HCFC1: variants seen among roughly 807,000 people sequenced by gnomAD.
The protein encoded by HCFC1 is host cell factor C1, also known as host cell factor 1.
HCFC1 carries 7 observed loss-of-function variants against 105.5 expected under a neutral mutation model. The ratio of observed to expected loss-of-function variants is 0.07; its 90% CI spans 0.04 to 0.12. HCFC1 has a LOEUF of 0.12. Ranked by LOEUF, HCFC1 falls within the 10% of genes least tolerant of loss-of-function variation. The pLI is 1.00. For synonymous variants in HCFC1, 918 were observed against 828.1 expected (o/e 1.11, Z -1.86); for missense variants, 1,065 against 1,823.6 (o/e 0.58, Z 7.58).
intron 18 of HCFC1, 130 bp from the exon 19 acceptor site, chrX:153,953,088 C>T (rs2065330970): frequency 3.5e-6 from 2 of 571,742 alleles, no homozygotes; most frequent in Non-Finnish European, 6.0e-6. Context: ...TTGATGAGAT[C>T]TTCTAGAAAG....
At chrX:153,962,646 A>G (rs2065440200) in intron 4 of HCFC1, among the ~76,000 whole-genome samples, 1 of 112,528 alleles carries the variant, frequency 8.9e-6, no homozygotes, top group Non-Finnish European at 1.9e-5. Context: ...GGCTACAGAC[A>G]TTTTGGCAAA....
rs1214280847 is a variant in HCFC1 at position 153,964,659 on chromosome X, G to A, written c.261C>T (p.Phe87=). The A allele has an allele frequency of 1.0e-5, 12 of 1,203,068 alleles. No homozygotes were observed. Among genetic ancestry groups the A allele is most frequent in the Admixed American group, 2.2e-5 (1 of 45,172 alleles). The part of the protein sequence containing the change: ...DIPPGCAAYG[F]VCDGTRLLVF... Reference sequence around the variant, plus strand: ...CCAGGAGGCGAGTCCCGTCACACACGAAGCCATAGGCTGCACACCCAGGGG... The same window carrying A: ...CCAGGAGGCGAGTCCCGTCACACACAAAGCCATAGGCTGCACACCCAGGGG... The change falls in exon 2 of 26, where the codon TTC becomes TTT. Residue 87 remains phenylalanine (F), a synonymous_variant. Coordinates refer to ENST00000310441, the MANE Select transcript of HCFC1 (RefSeq NM_005334.3).
intron 24 of HCFC1, 72 bp downstream of exon 24, chrX:153,950,171 G>C: frequency 9.8e-7 from 1 of 1,016,869 alleles, no homozygotes; most frequent in South Asian, 2.3e-5. Flanking sequence ...CTCAGATGGT[G>C]ACAGTTCCTC....
At chrX:153,959,255 G>A (rs1487605317) in intron 9 of HCFC1, 76 bp downstream of exon 9, 12 of 1,035,885 alleles carry the variant, frequency 1.2e-5, no homozygotes, top group African/African-American at 1.9e-5. Flanking sequence ...AGAGGGATGT[G>A]AACCCCTCAG....
chrX:153,962,145 C>T (rs2065435199), intron 5 of HCFC1, 77 bp downstream of exon 5: 24 of 811,247 alleles, frequency 3.0e-5, no homozygotes, highest in Non-Finnish European at 4.4e-5. Context: ...TCTGACAGGA[C>T]AAAACTGAGT....
chrX:153,952,061 G>A lies in HCFC1; in HGVS notation c.5040C>T (p.Thr1680=). 2 of 1,182,725 alleles carry A rather than the reference G, an allele frequency of 1.7e-6. No homozygotes were observed. The highest frequency in any genetic ancestry group is 3.1e-5 in the East Asian group (1 of 32,581). ...LSAEGQEGQA[T]TIPIVLTQQE... is the part of the protein sequence containing the mutation. Reference sequence around the variant, plus strand: ...GCTGTGTCAGCACAATGGGTATGGTGGTGGCCTGGCCCTCCTGACCCTCGG... The same window carrying A: ...GCTGTGTCAGCACAATGGGTATGGTAGTGGCCTGGCCCTCCTGACCCTCGG... Residue 1680 remains threonine, a synonymous_variant, in exon 20 of 26, where the codon ACC becomes ACT. Coordinates refer to ENST00000310441, the MANE Select transcript of HCFC1 (RefSeq NM_005334.3).
Position 153,954,378 on chromosome X carries a change from C to T in HCFC1, c.4021G>A (p.Gly1341Ser), listed in dbSNP as rs1557113727. 2 of 1,197,049 alleles carry T rather than the reference C, an allele frequency of 1.7e-6. No individual in the cohort carries two copies. The highest frequency in any genetic ancestry group is 2.2e-6 in the Non-Finnish European group (2 of 890,316). ...TGCCCACCCTCGGGCTGGCCCGTGC[C>T]CCCGTTTGAAGTAGCGGTGGTGGCC... ...HTATTATSNGGTGQPEGGQQP... is the reference protein window; with the variant it reads ...HTATTATSNGSTGQPEGGQQP... The change falls in exon 17 of 26, where the codon GGC (glycine) becomes AGC (serine). Residue 1341 changes from glycine (G) to serine (S), a missense_variant. By Grantham distance (56) the Gly-to-Ser change is moderately conservative. Transcript: ENST00000310441.
At position 153,948,615 on chromosome X, in the gene HCFC1, T is replaced by C. The variant is rs1557111582; in HGVS notation, c.*732A>G. 1.8e-5 allele frequency: 2 copies of C among 113,566 alleles called. No individual in the cohort carries two copies. The highest frequency in any genetic ancestry group is 3.7e-5 in the Non-Finnish European group (2 of 53,429). 9.4% of individuals were successfully genotyped at this position (113,566 alleles called of 1,213,427 possible). On this transcript the variant is annotated 3_prime_UTR_variant, in exon 26 of 26. Transcript: ENST00000310441. ...CTAAAATTACAATGAAAGTGTGAACTTCACCAATTGCAACCTAAAAAACAC... is the reference window on the plus strand; with the variant it reads ...CTAAAATTACAATGAAAGTGTGAACCTCACCAATTGCAACCTAAAAAACAC...
intron 8 of HCFC1, 89 bp from the exon 9 acceptor site, chrX:153,959,580 G>A (rs1168085667): frequency 2.8e-6 from 3 of 1,080,902 alleles, no homozygotes; most frequent in Non-Finnish European, 3.8e-6. Context: ...ACTTCTGTTG[G>A]CCTGCTTGTG....
intron 16 of HCFC1, among the ~76,000 whole-genome samples, 186 bp downstream of exon 16, chrX:153,956,005 G>T (rs995726704): frequency 8.8e-6 from 1 of 113,166 alleles, no homozygotes; most frequent in African/African-American, 3.2e-5. Context: ...GCCAAACCAC[G>T]GACTATGACA....
rs180969292 is a variant in HCFC1 at position 153,948,245 on chromosome X, C to T, written c.*1102G>A. 4 of 112,213 alleles carry T rather than the reference C, an allele frequency of 3.6e-5. No homozygotes were observed. In the East Asian group the frequency reaches 1.1e-3, roughly 32 times the overall value. The allele number at this position is 112,213 out of a possible 1,213,427, so 9.2% of individuals were successfully genotyped here. ...AGGCCCCAGCCCTCCCTCAAGCTCCCCTAGGCTCGACCCTATAGATGCGGA... is the reference window on the plus strand; with the variant it reads ...AGGCCCCAGCCCTCCCTCAAGCTCCTCTAGGCTCGACCCTATAGATGCGGA... On this transcript the variant is annotated 3_prime_UTR_variant, in exon 26 of 26. Transcript: ENST00000310441.
At chrX:153,962,166 C>T in intron 5 of HCFC1, 56 bp downstream of exon 5, 3 of 962,914 alleles carry the variant, frequency 3.1e-6, no homozygotes, top group South Asian at 2.0e-5. Flanking sequence ...GAGAGCCCTT[C>T]GGGGGAGGGG....
In HCFC1 at chrX:153,958,644, G is replaced by A. The variant is rs1557115850; in HGVS notation, c.1728C>T (p.Ile576=). The A allele has an allele frequency of 6.6e-6, 8 of 1,207,140 alleles. No homozygotes were observed. Among genetic ancestry groups the A allele is most frequent in the Non-Finnish European group, 9.0e-6 (8 of 892,899 alleles). The part of the protein sequence containing the change: ...TVLSVPAGTT[I]VKTMAVTPGT... The stretch of plus-strand genomic sequence containing the variant: ...CAGGTGTCACAGCCATGGTCTTCAC[G>A]ATGGTGGTACCCGCTGGGACACTCA... Residue 576 remains isoleucine (I), a synonymous_variant, in exon 10 of 26, where the codon ATC becomes ATT. Coordinates refer to ENST00000310441, the MANE Select transcript of HCFC1 (RefSeq NM_005334.3).
chrX:153,956,716 A>G lies in HCFC1; in HGVS notation c.2544T>C (p.Thr848=), dbSNP rs1296318603. 1 of 1,211,381 alleles carries G rather than the reference A, an allele frequency of 8.3e-7. No homozygotes were observed. The highest frequency in any genetic ancestry group is 1.1e-6 in the Non-Finnish European group (1 of 895,303). ...CCAGGCGAACACCCCCCATGGGCAC[A>G]GTGCGGAGGATGGTGCCTGGCTGTC... ...APGQPGTILR[T]VPMGGVRLVT... is the part of the protein sequence containing the mutation. The change falls in exon 15 of 26, where the codon ACT becomes ACC. Residue 848 remains threonine, a synonymous_variant. Transcript: ENST00000310441.
At chrX:153,953,532 T>C in intron 18 of HCFC1, 75 bp downstream of exon 18, 1 of 1,041,419 alleles carries the variant, frequency 9.6e-7, no homozygotes, top group Non-Finnish European at 1.3e-6. Flanking sequence ...AAGAGCGACA[T>C]CTGGCGTCTG....
Position 153,971,779 on chromosome X carries a change from G to A in HCFC1, c.-939C>T, listed in dbSNP as rs1288958626. The A allele has an allele frequency of 3.4e-6, 1 of 296,127 alleles. No homozygotes were observed. Among genetic ancestry groups the A allele is most frequent in the Non-Finnish European group, 5.9e-6 (1 of 169,702 alleles). The allele number at this position is 296,127 out of a possible 1,213,427, so 24.4% of individuals were successfully genotyped here. A position where few individuals can be genotyped will look rare whatever the true frequency, so the allele number is the denominator to read the frequency against. On this transcript the variant is annotated 5_prime_UTR_variant, in exon 1 of 26. Transcript: ENST00000310441. ...TACGGCAGAAGAAGCGGTAACGGCA[G>A]GGCGCTCATGCCTCCTCCCTGGGAG...
intron 16 of HCFC1, among the ~76,000 whole-genome samples, chrX:153,955,945 CGA>C (rs1330187955): frequency 2.6e-5 from 3 of 113,255 alleles, no homozygotes; most frequent in Non-Finnish European, 3.7e-5. Context: ...TAGAACACTG[CGA>C]GAGGAAGAAC....
intron 6 of HCFC1, 113 bp downstream of exon 6, chrX:153,961,429 A>C: frequency 2.0e-6 from 1 of 493,592 alleles, no homozygotes; most frequent in Non-Finnish European, 3.5e-6. Flanking sequence ...GTGGATTCCA[A>C]AGGGAGCCGG....
rs1557114580 is a variant in HCFC1 at position 153,955,426 on chromosome X, G to A, written c.2973C>T (p.Thr991=). Residue 991 remains threonine, a synonymous_variant, in exon 17 of 26, where the codon ACC becomes ACT. Coordinates refer to ENST00000310441, the MANE Select transcript of HCFC1 (RefSeq NM_005334.3). ...CTGAGTCGGCGATGGTAACTGTGGC[G>A]GTGGGCTGTTCTGTAGTCGGGGAGG... ...ILASPTTEQP[T]ATVTIADSGQ... 1.7e-5 allele frequency: 20 copies of A among 1,209,675 alleles called. No homozygotes were observed. The highest frequency in any genetic ancestry group is 2.2e-5 in the Admixed American group (1 of 45,892).
Sources: allele counts gnomAD v4.1 joint callset (sites outside exome capture counted in the v4.1 genomes callset), GRCh38; gene constraint gnomAD v4.1.1; transcripts MANE v1.5; gene names NCBI Gene and HGNC (gene_info 2026-07-23, HGNC 2026-07-21).